TSNARE1: variants seen among roughly 807,000 people sequenced by gnomAD.
TSNARE1 encodes the protein t-SNARE domain-containing protein 1.
A neutral mutation model predicts 62.0 loss-of-function variants in TSNARE1; 49 were observed. That is an observed-to-expected ratio of 0.79 (90% CI 0.63 to 1.00). The LOEUF (loss-of-function observed/expected upper bound fraction) is 1.00, where lower values mean the gene tolerates loss of function less well. Ranked by LOEUF, TSNARE1 falls within the 50% of genes least tolerant of loss-of-function variation. The probability of loss-of-function intolerance (pLI) is 0.00; values close to 1 mark genes in which losing one functional copy is unlikely to be tolerated. For synonymous variants in TSNARE1, 328 were observed against 294.4 expected, an observed-to-expected ratio of 1.11 and a Z score of -1.17; for missense variants, 755 against 700.1, an observed-to-expected ratio of 1.08 and a Z score of -0.88.
At chr8:142,278,333 G>A (rs1820839970) in intron 11 of TSNARE1, 1 of 985,480 alleles carries the variant, frequency 1.0e-6, no homozygotes, top group Non-Finnish European at 1.2e-6. Flanking sequence ...GTTCTGCCAT[G>A]GCTGCCACTG....
rs780953592 is a variant in TSNARE1 at position 142,344,357 on chromosome 8, A to G, written c.354T>C (p.Thr118=). 1 of 1,570,958 alleles carries G rather than the reference A, an allele frequency of 6.4e-7. No homozygotes were observed. The highest frequency in any genetic ancestry group is 2.3e-5 in the East Asian group (1 of 43,722). ...TGGGCTTCCTCTTCTTGGCCCGGGT[A>G]GTGCTGGGCCCCGCCATCCGGCCAT... The part of the protein sequence containing the change: ...GPHGRMAGPS[T]TRAKKRKPNF... Residue 118 remains threonine (T), a synonymous_variant, in exon 4 of 14, where the codon ACT becomes ACC. Transcript: ENST00000524325.
chr8:142,289,208 C>A (rs1823338182), intron 10 of TSNARE1, among the ~76,000 whole-genome samples: 2 of 152,188 alleles, frequency 1.3e-5, no homozygotes, highest in South Asian at 4.1e-4. Flanking sequence ...GGAGGCAAAG[C>A]CTGAACAGCA....
intron 10 of TSNARE1, among the ~76,000 whole-genome samples, chr8:142,290,507 TG>T (rs1436265028): frequency 6.6e-6 from 1 of 152,232 alleles, no homozygotes; most frequent in Non-Finnish European, 1.5e-5. Flanking sequence ...GGTGTGTGTG[TG>T]CCTGTGTGTT....
intron 4 of TSNARE1, among the ~76,000 whole-genome samples, chr8:142,335,242 G>C (rs1831589229): frequency 1.3e-5 from 2 of 151,880 alleles, no homozygotes; most frequent in African/African-American, 4.8e-5. Context: ...ATGTGATCCT[G>C]AATGTACTGA....
intron 4 of TSNARE1, among the ~76,000 whole-genome samples, chr8:142,339,768 T>C (rs1832276957): frequency 2.0e-5 from 3 of 152,194 alleles, no homozygotes; most frequent in African/African-American, 4.8e-5. Flanking sequence ...GATGGACACA[T>C]CAAAGACAAG....
intron 1 of TSNARE1, among the ~76,000 whole-genome samples, chr8:142,379,902 C>T (rs541525512): frequency 1.3e-5 from 2 of 152,316 alleles, no homozygotes; most frequent in South Asian, 4.1e-4. Context: ...TCTGTGGTCC[C>T]TGAGGGAAAG....
Position 142,272,638 on chromosome 8 carries a change from G to A in TSNARE1, c.1446+2143C>T, listed in dbSNP as rs1819772764. ...CCTTCCTCCTTCCATCCATCCACCCGCCCATCTAGAGGCCCCTCGCAAGCG... is the reference window on the plus strand; with the variant it reads ...CCTTCCTCCTTCCATCCATCCACCCACCCATCTAGAGGCCCCTCGCAAGCG... On this transcript the variant is annotated intron_variant, in intron 12 of 13. Transcript: ENST00000524325. 1.9e-5 allele frequency: 7 copies of A among 363,978 alleles called. 1 individual carries two copies. Among genetic ancestry groups the A allele is most frequent in the Non-Finnish European group, 2.2e-5 (7 of 316,840 alleles). 22.5% of individuals were successfully genotyped at this position (363,978 alleles called of 1,614,324 possible).
chr8:142,354,207 C>T (rs1294052649), intron 2 of TSNARE1, among the ~76,000 whole-genome samples: 2 of 152,156 alleles, frequency 1.3e-5, no homozygotes, highest in East Asian at 3.9e-4. Flanking sequence ...TGCCCTGCAC[C>T]AGCTGCGCGG....
intron 11 of TSNARE1, among the ~76,000 whole-genome samples, chr8:142,282,143 TCTC>T (rs952998889): frequency 1.8e-4 from 27 of 152,258 alleles, no homozygotes; most frequent in African/African-American, 6.3e-4. Context: ...CAGCCCCTCT[TCTC>T]GTGGATGCAG....
Position 142,365,602 on chromosome 8 carries a change from GCACA to G in TSNARE1, c.-39-10843_-39-10840del, listed in dbSNP as rs1554674591. On this transcript the variant is annotated intron_variant, in intron 1 of 13. Transcript: ENST00000524325. The stretch of plus-strand genomic sequence containing the variant: ...AAACCATCCATAAACACATGCACAC[GCACA>G]CACACACACACACACACACACACAC... Among the ~76,000 whole-genome samples, 669 of 144,470 alleles carry G rather than the reference GCACA, an allele frequency of 4.6e-3. 7 individuals are homozygous for G. Among genetic ancestry groups the G allele is most frequent in the African/African-American group, 0.014 (550 of 39,234 alleles). The allele number at this position is 144,470 out of a possible 152,430, so 94.8% of individuals were successfully genotyped here.
chr8:142,396,269 G>T (rs1243668982), intron 1 of TSNARE1, among the ~76,000 whole-genome samples: 1 of 151,968 alleles, frequency 6.6e-6, no homozygotes, highest in Non-Finnish European at 1.5e-5. Context: ...CCGCGCACCT[G>T]GCCCCAAAGC....
chr8:142,382,433 C>T (rs1169877419), intron 1 of TSNARE1, among the ~76,000 whole-genome samples: 2 of 152,134 alleles, frequency 1.3e-5, no homozygotes, highest in African/African-American at 4.8e-5. Context: ...GACCAGCTGC[C>T]GGCACTGCCC....
At chr8:142,350,737 G>T (rs539832985) in intron 2 of TSNARE1, among the ~76,000 whole-genome samples, 2 of 152,286 alleles carry the variant, frequency 1.3e-5, no homozygotes, top group African/African-American at 4.8e-5. Flanking sequence ...ACAATAAAAA[G>T]GGTTTAGCAA....
chr8:142,326,536 A>G (rs112656984), intron 6 of TSNARE1, among the ~76,000 whole-genome samples: 120 of 47,320 alleles, frequency 2.5e-3, no homozygotes, highest in African/African-American at 4.7e-3. Context: ...AGCACGAGAC[A>G]GATGAGGAAC....
intron 12 of TSNARE1, chr8:142,274,014 T>C (rs906531848): frequency 6.1e-6 from 6 of 985,302 alleles, no homozygotes; most frequent in Admixed American, 6.1e-5. Flanking sequence ...GTGTGTGCTC[T>C]CCTGGCCCCA....
At chr8:142,255,977 C>T (rs867364742) in intron 12 of TSNARE1, among the ~76,000 whole-genome samples, 1 of 72,354 alleles carries the variant, frequency 1.4e-5, no homozygotes, top group Non-Finnish European at 2.9e-5. Flanking sequence ...ATCACCATCA[C>T]CACCACCACC....
chr8:142,215,523 C>T (rs1815791781), intron 13 of TSNARE1, among the ~76,000 whole-genome samples: 2 of 152,202 alleles, frequency 1.3e-5, no homozygotes, highest in African/African-American at 4.8e-5. Flanking sequence ...CACCACCCCT[C>T]AGCCTCCCCA....
intron 9 of TSNARE1, among the ~76,000 whole-genome samples, chr8:142,309,953 C>T (rs995333621): frequency 1.1e-4 from 16 of 148,340 alleles, no homozygotes; most frequent in African/African-American, 3.9e-4. Context: ...TTCTGTACCT[C>T]TTGGTAAATT....
chr8:142,312,821 A>T (rs1263460131), intron 9 of TSNARE1, among the ~76,000 whole-genome samples: 1 of 152,222 alleles, frequency 6.6e-6, no homozygotes, highest in Non-Finnish European at 1.5e-5. Context: ...CACTAAAGCT[A>T]TAAGCCACCA....
Sources: gnomAD v4.1 joint callset for allele counts (sites outside exome capture counted in the v4.1 genomes callset) on GRCh38, gnomAD v4.1.1 for gene constraint, MANE v1.5 for transcripts, NCBI Gene and HGNC (gene_info 2026-07-23, HGNC 2026-07-21) for gene names.